Variants in GLS observed in about 807,000 individuals in gnomAD.
GLS encodes glutaminase.
In GLS, 36 loss-of-function variants were observed where a neutral mutation model predicts 86.7. The ratio of observed to expected loss-of-function variants is 0.42; its 90% CI spans 0.32 to 0.55. GLS has a LOEUF of 0.55. Ranked by LOEUF, GLS falls within the 20% of genes least tolerant of loss-of-function variation. The pLI is 0.17. For synonymous variants in GLS, 317 were observed against 305.9 expected (o/e 1.04, Z -0.38); for missense variants, 528 against 833.4 (o/e 0.63, Z 4.51).
chr2:190,960,614 G>A lies in GLS; in HGVS notation c.1854-2216G>A, dbSNP rs890619935. Reference sequence around the variant, plus strand: ...TGGTCTCCAACTCCTGGGCTCAAGCGGTCCTCCCATCTCAGCCTCCCAAAG... The same window carrying A: ...TGGTCTCCAACTCCTGGGCTCAAGCAGTCCTCCCATCTCAGCCTCCCAAAG... On this transcript the variant is annotated intron_variant, in intron 17 of 17. Coordinates refer to ENST00000320717, the MANE Select transcript of GLS (RefSeq NM_014905.5). Among the ~76,000 whole-genome samples the A allele has an allele frequency of 5.5e-4, 83 of 151,912 alleles. 1 individual carries two copies. Among genetic ancestry groups the A allele is most frequent in the African/African-American group, 1.9e-3 (78 of 41,422 alleles).
chr2:190,953,767 C>T lies in GLS; in HGVS notation c.1712+141C>T. Reference sequence around the variant, plus strand: ...CCCAACAAAATTTTTATTAAATAGGCACTTCCAGTGCCTTAGGCCTGCTTT... The same window carrying T: ...CCCAACAAAATTTTTATTAAATAGGTACTTCCAGTGCCTTAGGCCTGCTTT... On this transcript the variant is annotated intron_variant, in intron 15 of 17. Transcript: ENST00000320717. The surrounding 1 kb of genome is among the most constrained non-coding windows in gnomAD (Gnocchi z 4.0). The T allele has an allele frequency of 1.6e-6, 1 of 644,092 alleles. No individual in the cohort carries two copies. The highest frequency in any genetic ancestry group is 2.8e-6 in the Non-Finnish European group (1 of 358,034). 39.9% of individuals were successfully genotyped at this position (644,092 alleles called of 1,614,324 possible).
chr2:190,933,707 T>C (rs1280532435), intron 14 of GLS: 1 of 897,288 alleles, frequency 1.1e-6, no homozygotes, highest in Non-Finnish European at 1.3e-6. Context: ...TAACTTTTTC[T>C]ATGTTATATT....
intron 6 of GLS, among the ~76,000 whole-genome samples, chr2:190,908,271 T>G (rs1689231963): frequency 6.6e-6 from 1 of 152,204 alleles, no homozygotes; most frequent in Non-Finnish European, 1.5e-5. Context: ...TTGGAAATCC[T>G]TTTTAATATT....
At chr2:190,883,542 G>A (rs1033819358) in intron 1 of GLS, among the ~76,000 whole-genome samples, 1 of 152,166 alleles carries the variant, frequency 6.6e-6, no homozygotes, top group South Asian at 2.1e-4. Flanking sequence ...TTTGGCGTGT[G>A]TTAAATGACA....
Position 190,957,333 on chromosome 2 carries a change from C to A in GLS, c.1853+2515C>A, listed in dbSNP as rs2124953523. Reference sequence around the variant, plus strand: ...TCTCGAACTCCTGACCTCAGGTAATCTGCCTGCCTTGGCCTCCCAAAGTGC... The same window carrying A: ...TCTCGAACTCCTGACCTCAGGTAATATGCCTGCCTTGGCCTCCCAAAGTGC... On this transcript the variant is annotated intron_variant, in intron 17 of 17. Coordinates refer to ENST00000320717, the MANE Select transcript of GLS (RefSeq NM_014905.5). 1.3e-5 allele frequency among the ~76,000 whole-genome samples: 2 copies of A among 152,320 alleles called. 1 individual carries two copies.
rs1306107767 is a variant in GLS, at chr2:190,898,847, C to T, written c.606-1717C>T. ...GGTTTCTCCATGTTGAGGCTGGTCT[C>T]GAACTCCTGACCTCAGGTGATCTGC... On this transcript the variant is annotated intron_variant, in intron 3 of 17. Coordinates refer to ENST00000320717, the MANE Select transcript of GLS (RefSeq NM_014905.5). Among the ~76,000 whole-genome samples, 4 of 152,172 alleles carry T rather than the reference C, an allele frequency of 2.6e-5. No homozygotes were observed. The South Asian group carries it at 6.2e-4, about 24-fold the overall frequency.
chr2:190,939,557 A>G (rs1176541290), intron 14 of GLS, among the ~76,000 whole-genome samples: 2 of 148,552 alleles, frequency 1.3e-5, no homozygotes, highest in Non-Finnish European at 3.0e-5. Flanking sequence ...ATTTTATTGT[A>G]AAATTCAACT....
rs140785148 is a variant in GLS, at chr2:190,881,800, C to T, written c.386+330C>T. 4.1e-3 allele frequency: 986 copies of T among 238,518 alleles called. 17 individuals carry two copies. Among genetic ancestry groups the T allele is most frequent in the African/African-American group, 0.019 (836 of 44,206 alleles). The allele number at this position is 238,518 out of a possible 1,614,324, so 14.8% of individuals were successfully genotyped here. A position where few individuals can be genotyped will look rare whatever the true frequency, so the allele number is the denominator to read the frequency against. On this transcript the variant is annotated intron_variant, in intron 1 of 17. Coordinates refer to ENST00000320717, the MANE Select transcript of GLS (RefSeq NM_014905.5). ...CCTGCCCGCGCTGCGTGCTCAGCTCCCTGGCTTGCGGCTGCAGCGCCTGGC... is the reference window on the plus strand; with the variant it reads ...CCTGCCCGCGCTGCGTGCTCAGCTCTCTGGCTTGCGGCTGCAGCGCCTGGC...
chr2:190,893,108 A>G (rs1379022306), intron 1 of GLS, among the ~76,000 whole-genome samples: 2 of 152,198 alleles, frequency 1.3e-5, no homozygotes, highest in Non-Finnish European at 2.9e-5. Flanking sequence ...AATAATTGGT[A>G]TGTTATTATC....
At chr2:190,907,940 T>C (rs970976529) in intron 6 of GLS, among the ~76,000 whole-genome samples, 1 of 152,178 alleles carries the variant, frequency 6.6e-6, no homozygotes, top group African/African-American at 2.4e-5. Flanking sequence ...TATGTGCTGA[T>C]TATATGTGTG....
At chr2:190,937,432 A>G (rs1309434289) in intron 14 of GLS, among the ~76,000 whole-genome samples, 2 of 151,354 alleles carry the variant, frequency 1.3e-5, no homozygotes, top group Non-Finnish European at 3.0e-5. Context: ...TTTATCCAAC[A>G]TGAAACAGCG....
rs143529865 is a variant in GLS at position 190,958,290 on chromosome 2, A to C, written c.1853+3472A>C. 5.2e-3 allele frequency among the ~76,000 whole-genome samples: 784 copies of C among 152,202 alleles called. 8 individuals are homozygous for C. Among genetic ancestry groups the C allele is most frequent in the African/African-American group, 0.018 (736 of 41,524 alleles). ...TGGGATCAGTGGTGATATCCCCTTT[A>C]TCATTTTTTATTGCACCTATTTGAT... is the stretch of plus-strand genomic sequence containing the variant. On this transcript the variant is annotated intron_variant, in intron 17 of 17. Coordinates refer to ENST00000320717, the MANE Select transcript of GLS (RefSeq NM_014905.5).
At chr2:190,936,179 T>C (rs3771308) in intron 14 of GLS, among the ~76,000 whole-genome samples, 34,451 of 150,830 alleles carry the variant, frequency 0.23, 4,168 homozygotes, top group East Asian at 0.46. Flanking sequence ...TTAAAAAATT[T>C]ATTTGAAGTA....
rs1051432660 is a variant in GLS at position 190,930,015 on chromosome 2, G to A, written c.1426-422G>A. ...CGTGCACTTTGGGAGGCTGAGGCGG[G>A]CGGATCACAAGGTCAGGAGATAATT... On this transcript the variant is annotated intron_variant, in intron 12 of 17. Coordinates refer to ENST00000320717, the MANE Select transcript of GLS (RefSeq NM_014905.5). The surrounding 1 kb of genome is among the most constrained non-coding windows in gnomAD (Gnocchi z 5.0). Among the ~76,000 whole-genome samples, 1 of 151,580 alleles carries A rather than the reference G, an allele frequency of 6.6e-6. No individual in the cohort carries two copies. Among genetic ancestry groups the A allele is most frequent in the Non-Finnish European group, 1.5e-5 (1 of 67,930 alleles).
intron 17 of GLS, among the ~76,000 whole-genome samples, chr2:190,957,758 G>A (rs576084842): frequency 2.0e-5 from 3 of 152,232 alleles, no homozygotes; most frequent in South Asian, 2.1e-4. Flanking sequence ...GGATGAAGCC[G>A]ACTTGATCGT....
rs1487966617 is a variant in GLS, at chr2:190,963,095, T to A, written c.*109T>A. Reference sequence around the variant, plus strand: ...AGTGATGTATATTTTACATTTGTCATTTCAGTGTTACTGGAGTTTTCTTCA... The same window carrying A: ...AGTGATGTATATTTTACATTTGTCAATTCAGTGTTACTGGAGTTTTCTTCA... On this transcript the variant is annotated 3_prime_UTR_variant, in exon 18 of 18. Coordinates refer to ENST00000320717, the MANE Select transcript of GLS (RefSeq NM_014905.5). The A allele has an allele frequency of 1.3e-6, 1 of 784,732 alleles. No individual in the cohort carries two copies. The highest frequency in any genetic ancestry group is 2.0e-6 in the Non-Finnish European group (1 of 508,636). The allele number at this position is 784,732 out of a possible 1,614,324, so 48.6% of individuals were successfully genotyped here.
chr2:190,957,566 A>G (rs1262975993), intron 17 of GLS, among the ~76,000 whole-genome samples: 1 of 152,188 alleles, frequency 6.6e-6, no homozygotes, highest in African/African-American at 2.4e-5. Flanking sequence ...AGCTCTTATT[A>G]TTTTGAGATA....
chr2:190,904,253 A>G (rs1689052895), intron 5 of GLS, among the ~76,000 whole-genome samples: 1 of 152,068 alleles, frequency 6.6e-6, no homozygotes, highest in African/African-American at 2.4e-5. Context: ...AGTTCTGTTT[A>G]ACTTTTTAAC....
Position 190,913,498 on chromosome 2 carries a change from A to G in GLS, c.1038+3177A>G. 1 of 990,440 alleles carries G rather than the reference A, an allele frequency of 1.0e-6. No individual in the cohort carries two copies. Among genetic ancestry groups the G allele is most frequent in the Non-Finnish European group, 1.2e-6 (1 of 823,944 alleles). 61.4% of individuals were successfully genotyped at this position (990,440 alleles called of 1,614,324 possible). ...ACTTTAAAGGAATACTTTTTGTTGT[A>G]ATCTGTTTTATTTGGGATTGTGATA... On this transcript the variant is annotated intron_variant, in intron 7 of 17. Coordinates refer to ENST00000320717, the MANE Select transcript of GLS (RefSeq NM_014905.5). This position sits in a 1 kb window ranked among gnomAD's most constrained non-coding sequence, Gnocchi z 6.1.
Sources: gnomAD v4.1 joint callset for allele counts (sites outside exome capture counted in the v4.1 genomes callset) on GRCh38, gnomAD v4.1.1 for gene constraint, Gnocchi (gnomAD v3.1) non-coding constraint, MANE v1.5 for transcripts, NCBI Gene and HGNC (gene_info 2026-07-23, HGNC 2026-07-21) for gene names.